The following KIAA1217 variants were observed in gnomAD, a reference collection of about 807,000 sequenced individuals.
The protein encoded by KIAA1217 is KIAA1217.
Under a neutral mutation model 163.9 loss-of-function variants are expected in KIAA1217, and 88 were observed. That is an observed-to-expected ratio of 0.54 (90% CI 0.45 to 0.64). The LOEUF (loss-of-function observed/expected upper bound fraction) is 0.64, where lower values mean the gene tolerates loss of function less well. KIAA1217 is among the 30% of genes least tolerant of loss of function. The pLI is 0.00. For synonymous variants in KIAA1217, 903 were observed against 923.1 expected (o/e 0.98, Z 0.39); for missense variants, 2,372 against 2,475.0 (o/e 0.96, Z 0.88).
chr10:24,494,939 G>A (rs2066599200), intron 7 of KIAA1217: 4 of 589,614 alleles, frequency 6.8e-6, no homozygotes, highest in Non-Finnish European at 1.2e-5. Context: ...AGTCACAAGT[G>A]AGCCTGGCTG....
At chr10:24,416,315 A>G (rs1438383896) in intron 3 of KIAA1217, among the ~76,000 whole-genome samples, 3 of 152,204 alleles carry the variant, frequency 2.0e-5, no homozygotes, top group African/African-American at 4.8e-5. Flanking sequence ...TCCCTGCAGA[A>G]GTAGAGGGTA....
At chr10:24,480,249 TG>T (rs1223950656) in intron 6 of KIAA1217, among the ~76,000 whole-genome samples, 7 of 152,148 alleles carry the variant, frequency 4.6e-5, no homozygotes, top group African/African-American at 1.7e-4. Context: ...AATAGAGAAA[TG>T]AAAGAATACC....
chr10:24,002,183 A>G (rs1387461845), intron 1 of KIAA1217, among the ~76,000 whole-genome samples: 1 of 152,202 alleles, frequency 6.6e-6, no homozygotes, highest in Non-Finnish European at 1.5e-5. Flanking sequence ...GGAGATGAGC[A>G]GATTTGTGGC....
intron 2 of KIAA1217, among the ~76,000 whole-genome samples, chr10:24,028,652 T>A (rs773548463): frequency 2.0e-5 from 3 of 152,114 alleles, no homozygotes; most frequent in Non-Finnish European, 4.4e-5. Context: ...CAAAGGGAAA[T>A]GTATTATTGC....
chr10:23,709,483 C>T (rs1468242631), intron 1 of KIAA1217, among the ~76,000 whole-genome samples: 1 of 151,476 alleles, frequency 6.6e-6, no homozygotes, highest in Non-Finnish European at 1.5e-5. Flanking sequence ...GTGCAGAGAG[C>T]ATGCCACTGC....
At chr10:24,085,500 T>C (rs2061668772) in intron 2 of KIAA1217, among the ~76,000 whole-genome samples, 1 of 152,116 alleles carries the variant, frequency 6.6e-6, no homozygotes, top group African/African-American at 2.4e-5. Flanking sequence ...AGGGTAAGAT[T>C]TCTAGCCCAC....
intron 1 of KIAA1217, among the ~76,000 whole-genome samples, chr10:23,883,818 C>G (rs2131196420): frequency 6.6e-6 from 1 of 152,034 alleles, no homozygotes; most frequent in African/African-American, 2.4e-5. Context: ...AACTGATCTT[C>G]TTACTGTCTC....
Position 24,493,896 on chromosome 10 carries a change from G to A in KIAA1217, c.1680-604G>A, listed in dbSNP as rs563339126. On this transcript the variant is annotated intron_variant, in intron 6 of 20. Transcript: ENST00000376454. ...GCTGGTCTCAAACTCCTGACCTCAGGTGATCTGCCCACCTCGGCTTCCCAA... is the reference window on the plus strand; with the variant it reads ...GCTGGTCTCAAACTCCTGACCTCAGATGATCTGCCCACCTCGGCTTCCCAA... 3.0e-4 allele frequency among the ~76,000 whole-genome samples: 46 copies of A among 152,272 alleles called. No homozygotes were observed. In the South Asian group the frequency reaches 3.5e-3, roughly 12 times the overall value.
chr10:23,933,144 G>A (rs775098005), intron 1 of KIAA1217, among the ~76,000 whole-genome samples: 15 of 152,336 alleles, frequency 9.8e-5, no homozygotes, highest in East Asian at 1.9e-4. Context: ...TCTGCTAGGC[G>A]TTGTGGAGCT....
chr10:24,390,543 A>G (rs1307578194), intron 3 of KIAA1217, among the ~76,000 whole-genome samples: 1 of 133,544 alleles, frequency 7.5e-6, no homozygotes. Context: ...ATTATGAGGA[A>G]ATTTCAAAAG....
At chr10:24,092,896 G>T (rs1243477983) in intron 2 of KIAA1217, among the ~76,000 whole-genome samples, 1 of 148,674 alleles carries the variant, frequency 6.7e-6, no homozygotes, top group Admixed American at 6.6e-5. Context: ...TTTACTGTGT[G>T]TATGTATAGT....
At chr10:24,381,345 T>A (rs1325040316) in intron 3 of KIAA1217, among the ~76,000 whole-genome samples, 1 of 152,178 alleles carries the variant, frequency 6.6e-6, no homozygotes, top group Non-Finnish European at 1.5e-5. Flanking sequence ...ATGTTCCTGC[T>A]ACTATACAGC....
chr10:24,148,042 C>T (rs948209472), intron 2 of KIAA1217, among the ~76,000 whole-genome samples: 4 of 151,784 alleles, frequency 2.6e-5, no homozygotes, highest in African/African-American at 7.3e-5. Context: ...CACTTTTGAG[C>T]GTATAAGCCC....
intron 2 of KIAA1217, among the ~76,000 whole-genome samples, chr10:24,282,037 A>G (rs2078000264): frequency 6.6e-6 from 1 of 152,042 alleles, no homozygotes; most frequent in Non-Finnish European, 1.5e-5. Context: ...AGCCTGGGTG[A>G]CAGAGCGAGA....
intron 1 of KIAA1217, among the ~76,000 whole-genome samples, chr10:23,974,216 C>T (rs568262006): frequency 3.9e-5 from 6 of 152,208 alleles, no homozygotes; most frequent in African/African-American, 1.4e-4. Context: ...AGTCTATGCC[C>T]AACAACTCCT....
chr10:24,178,942 T>C (rs2066038883), intron 2 of KIAA1217, among the ~76,000 whole-genome samples: 1 of 152,212 alleles, frequency 6.6e-6, no homozygotes, highest in Non-Finnish European at 1.5e-5. Flanking sequence ...GATGTCACTT[T>C]TGAGCATTTC....
At chr10:23,956,276 A>G (rs1027621759) in intron 1 of KIAA1217, among the ~76,000 whole-genome samples, 1 of 152,154 alleles carries the variant, frequency 6.6e-6, no homozygotes, top group Non-Finnish European at 1.5e-5. Context: ...CTCTCACCCC[A>G]AATTTAAGAC....
chr10:24,119,439 T>C (rs988875845), intron 2 of KIAA1217, among the ~76,000 whole-genome samples: 1 of 152,140 alleles, frequency 6.6e-6, no homozygotes, highest in African/African-American at 2.4e-5. Flanking sequence ...ATATTGCAAA[T>C]GTGTAAAAAT....
intron 5 of KIAA1217, chr10:24,466,613 T>G (rs917960968): frequency 1.0e-6 from 1 of 985,420 alleles, no homozygotes; most frequent in African/African-American, 1.7e-5. Flanking sequence ...GAGAAACATT[T>G]TAGGATCTTT....
Sources: gnomAD v4.1 joint callset for allele counts (sites outside exome capture counted in the v4.1 genomes callset) on GRCh38, gnomAD v4.1.1 for gene constraint, MANE v1.5 for transcripts, NCBI Gene and HGNC (gene_info 2026-07-23, HGNC 2026-07-21) for gene names.